The following SNX29 variants were observed in gnomAD, a reference collection of about 807,000 sequenced individuals.
SNX29 encodes the protein sorting nexin 29.
Under a neutral mutation model 102.1 loss-of-function variants are expected in SNX29, and 78 were observed. That is an observed-to-expected ratio of 0.76 (90% CI 0.64 to 0.92). The LOEUF is 0.92. Among genes scored for constraint, SNX29 ranks in the 40% least tolerant of loss-of-function variants. The probability of loss-of-function intolerance (pLI) is 0.00; values close to 1 mark genes in which losing one functional copy is unlikely to be tolerated. For missense variants in SNX29, 1,280 were observed against 1,061.7 expected (o/e 1.21, Z -2.86); for synonymous variants, 580 against 414.5 (o/e 1.40, Z -4.85).
At chr16:12,324,258 C>T (rs757554029) in intron 15 of SNX29, among the ~76,000 whole-genome samples, 14 of 151,964 alleles carry the variant, frequency 9.2e-5, no homozygotes, top group South Asian at 4.2e-4. Context: ...ACTGGTCTCT[C>T]GGTGCTGCAG....
intron 18 of SNX29, among the ~76,000 whole-genome samples, chr16:12,421,401 T>TC (rs2084865479): frequency 1.3e-5 from 2 of 152,186 alleles, no homozygotes; most frequent in African/African-American, 4.8e-5. Context: ...GGGCTTCAGT[T>TC]CCCCAGGCTC....
At chr16:12,027,169 A>C in intron 3 of SNX29, 151 bp from the exon 4 acceptor site, 1 of 843,378 alleles carries the variant, frequency 1.2e-6, no homozygotes, top group East Asian at 2.8e-5. Flanking sequence ...GGCGCAGGTC[A>C]GTTACCAAGC....
At chr16:12,518,397 C>G (rs1477570513) in intron 19 of SNX29, among the ~76,000 whole-genome samples, 3 of 152,192 alleles carry the variant, frequency 2.0e-5, no homozygotes, top group African/African-American at 7.2e-5. Flanking sequence ...CTCCTTCTGC[C>G]TGGGGGTTTC....
chr16:12,169,560 C>T (rs570948731), intron 13 of SNX29, among the ~76,000 whole-genome samples: 7 of 152,212 alleles, frequency 4.6e-5, no homozygotes, highest in African/African-American at 1.7e-4. Context: ...GGATGGCAGA[C>T]ATTTAAAATG....
chr16:12,009,964 C>T (rs540086332), intron 3 of SNX29, among the ~76,000 whole-genome samples: 43 of 152,284 alleles, frequency 2.8e-4, no homozygotes, highest in African/African-American at 9.1e-4. Context: ...GGAATGCTAA[C>T]GGGGGCAGTG....
chr16:12,573,095 T>C lies in SNX29; in HGVS notation c.*4466T>C. ...CTCATTTCTGTGCCAAGAAAGTTCATCTTTATGTTTTTCTAATACACAATC... is the reference window on the plus strand; with the variant it reads ...CTCATTTCTGTGCCAAGAAAGTTCACCTTTATGTTTTTCTAATACACAATC... On this transcript the variant is annotated 3_prime_UTR_variant, in exon 21 of 21. Transcript: ENST00000566228. The C allele has an allele frequency of 4.3e-6, 1 of 230,260 alleles. No individual in the cohort carries two copies. Among genetic ancestry groups the C allele is most frequent in the East Asian group, 6.2e-5 (1 of 16,026 alleles). The allele number at this position is 230,260 out of a possible 1,614,324, so 14.3% of individuals were successfully genotyped here. A position where few individuals can be genotyped will look rare whatever the true frequency, so the allele number is the denominator to read the frequency against.
intron 20 of SNX29, among the ~76,000 whole-genome samples, chr16:12,566,572 CTT>C (rs1435499322): frequency 3.9e-5 from 6 of 152,192 alleles, no homozygotes; most frequent in African/African-American, 1.2e-4. Flanking sequence ...TTTAAACTGA[CTT>C]TTACATCCAA....
intron 18 of SNX29, among the ~76,000 whole-genome samples, chr16:12,471,878 C>T (rs971061558): frequency 8.5e-5 from 13 of 152,250 alleles, no homozygotes; most frequent in Non-Finnish European, 1.5e-4. Context: ...TCCTTTCTCC[C>T]GCCCAAGGTC....
At chr16:12,103,089 G>A (rs1211430569) in intron 11 of SNX29, among the ~76,000 whole-genome samples, 1 of 152,184 alleles carries the variant, frequency 6.6e-6, no homozygotes, top group African/African-American at 2.4e-5. Context: ...CCATGCTCAT[G>A]CATAGGTAGA....
chr16:12,222,685 C>T (rs2077508910), intron 14 of SNX29, among the ~76,000 whole-genome samples: 1 of 152,204 alleles, frequency 6.6e-6, no homozygotes, highest in South Asian at 2.1e-4. Context: ...TCTTCTGCCT[C>T]AGCCTCTTGG....
At chr16:12,204,886 G>A (rs570726532) in intron 14 of SNX29, among the ~76,000 whole-genome samples, 2 of 152,126 alleles carry the variant, frequency 1.3e-5, no homozygotes, top group African/African-American at 4.8e-5. Flanking sequence ...TGTGCTTTGT[G>A]CTCTGGGGTG....
chr16:12,388,870 G>A (rs552935264), intron 16 of SNX29, among the ~76,000 whole-genome samples: 5 of 152,282 alleles, frequency 3.3e-5, no homozygotes, highest in Non-Finnish European at 5.9e-5. Flanking sequence ...TTTGCAAGAG[G>A]ACATTTAAGG....
rs1056587384 is a variant in SNX29, at chr16:12,228,175, C to T, written c.1678+28492C>T. ...TCTGCACTTTAACAAGGCCCCCAGC[C>T]GAGCTGTAGACACATTAGTGTTAGA... is the stretch of plus-strand genomic sequence containing the variant. On this transcript the variant is annotated intron_variant, in intron 14 of 20. Transcript: ENST00000566228. Among the ~76,000 whole-genome samples, 10 of 152,146 alleles carry T rather than the reference C, an allele frequency of 6.6e-5. No homozygotes were observed. In the East Asian group the frequency reaches 9.6e-4, roughly 15 times the overall value.
chr16:12,007,982 C>G (rs1452135988), intron 3 of SNX29, among the ~76,000 whole-genome samples: 1 of 152,050 alleles, frequency 6.6e-6, no homozygotes, highest in Non-Finnish European at 1.5e-5. Context: ...CTCGCTCTGT[C>G]ACCCAGGCCG....
chr16:12,368,834 C>T (rs1258612771), intron 16 of SNX29, among the ~76,000 whole-genome samples: 2 of 152,240 alleles, frequency 1.3e-5, no homozygotes, highest in Non-Finnish European at 2.9e-5. Context: ...TCTCCTGGGG[C>T]TCACGTGCCC....
chr16:12,333,394 C>T (rs556745537), intron 15 of SNX29, among the ~76,000 whole-genome samples: 5 of 152,118 alleles, frequency 3.3e-5, no homozygotes, highest in African/African-American at 4.8e-5. Flanking sequence ...CGTGAGCCAC[C>T]GCACCTGGCC....
intron 20 of SNX29, among the ~76,000 whole-genome samples, chr16:12,559,524 C>G (rs754408955): frequency 1.3e-5 from 2 of 151,982 alleles, no homozygotes; most frequent in Non-Finnish European, 2.9e-5. Flanking sequence ...CTTTGTATCT[C>G]AAAAGCATCC....
intron 13 of SNX29, among the ~76,000 whole-genome samples, chr16:12,178,573 A>G (rs1478243604): frequency 2.6e-5 from 4 of 152,190 alleles, no homozygotes; most frequent in African/African-American, 7.2e-5. Context: ...GGAACCCCCA[A>G]CAGTTGGGAA....
intron 15 of SNX29, among the ~76,000 whole-genome samples, chr16:12,348,756 A>G (rs999936859): frequency 6.6e-6 from 1 of 152,172 alleles, no homozygotes; most frequent in Non-Finnish European, 1.5e-5. Flanking sequence ...TCTGCTGCTT[A>G]CTTCCTGTGT....
Sources: gnomAD v4.1 joint callset for allele counts (sites outside exome capture counted in the v4.1 genomes callset) on GRCh38, gnomAD v4.1.1 for gene constraint, MANE v1.5 for transcripts, NCBI Gene and HGNC (gene_info 2026-07-23, HGNC 2026-07-21) for gene names.